The following TTC23L variants were observed in gnomAD, a reference collection of about 807,000 sequenced individuals.
TTC23L encodes tetratricopeptide repeat domain 23 like, also known as tetratricopeptide repeat protein 23-like.
TTC23L carries 42 observed loss-of-function variants against 48.1 expected under a neutral mutation model. The ratio of observed to expected loss-of-function variants is 0.87; its 90% CI spans 0.68 to 1.13. TTC23L has a LOEUF of 1.13. Ranked by LOEUF, TTC23L falls within the 50% of genes most tolerant of loss-of-function variation. The probability of loss-of-function intolerance (pLI) is 0.00; values close to 1 mark genes in which losing one functional copy is unlikely to be tolerated. For synonymous variants in TTC23L, 159 were observed against 157.2 expected (o/e 1.01, Z -0.09); for missense variants, 391 against 421.0 (o/e 0.93, Z 0.62).
At chr5:34,913,590 G>C in the TTC23L span, 3 of 1,500,130 alleles carry the variant, frequency 2.0e-6, no homozygotes, top group East Asian at 6.8e-5. Context: ...TATGAAAAGA[G>C]TAAAAATGAA....
the TTC23L span, chr5:34,908,080 A>G: frequency 1.3e-5 from 2 of 152,098 alleles, no homozygotes; most frequent in African/African-American, 4.8e-5. Flanking sequence ...AATTCAAACT[A>G]ATAAGCAATG....
rs1011128524 is a variant in TTC23L at position 34,863,262 on chromosome 5, C to T, written c.536+208C>T. Among the ~76,000 whole-genome samples the T allele has an allele frequency of 3.3e-5, 5 of 152,108 alleles. No homozygotes were observed. The highest frequency in any genetic ancestry group is 1.9e-4 in the East Asian group (1 of 5,190). On this transcript the variant is annotated intron_variant, in intron 5 of 10. Transcript: ENST00000505624. This position sits in a 1 kb window ranked among gnomAD's most constrained non-coding sequence, Gnocchi z 4.1. ...TTCATATAAGCTCTGAGTTGAGCCA[C>T]GGAAGAGATTTCACTAGTCACATAT...
chr5:34,901,241 A>G (rs756612872), downstream of TTC23L, among the ~76,000 whole-genome samples: 1 of 152,082 alleles, frequency 6.6e-6, no homozygotes, highest in South Asian at 2.1e-4. Flanking sequence ...AAAAACTTCC[A>G]ATGTATTTAT....
At chr5:34,911,799 T>G in the TTC23L span, 111 of 1,614,160 alleles carry the variant, frequency 6.9e-5, 1 homozygote, top group East Asian at 2.5e-3. Context: ...ACATTCGAAG[T>G]GCAGTTAAAG....
chr5:34,847,515 A>G (rs1462200607), intron 3 of TTC23L, among the ~76,000 whole-genome samples: 3 of 149,624 alleles, frequency 2.0e-5, no homozygotes, highest in African/African-American at 7.4e-5. Context: ...AACCCAACCT[A>G]GTACTCCTAG....
chr5:34,916,039 C>A, the TTC23L span: 1 of 962,114 alleles, frequency 1.0e-6, no homozygotes, highest in Non-Finnish European at 1.5e-6. Context: ...TTCTCCCGGC[C>A]AGACTGGGCA....
At chr5:34,844,284 T>C (rs13158027) in intron 2 of TTC23L, among the ~76,000 whole-genome samples, 37,895 of 151,170 alleles carry the variant, frequency 0.25, 4,838 homozygotes, top group Middle Eastern at 0.32. Flanking sequence ...GTTGCTTCCC[T>C]ATCTACACAA....
chr5:34,911,554 C>T, the TTC23L span: 1 of 1,613,962 alleles, frequency 6.2e-7, no homozygotes, highest in Non-Finnish European at 8.5e-7. Flanking sequence ...TCTCAAGTAC[C>T]TGAAATAAGG....
At chr5:34,867,209 C>T (rs1361306951) in intron 7 of TTC23L, 140 bp downstream of exon 7, 1 of 865,678 alleles carries the variant, frequency 1.2e-6, no homozygotes, top group African/African-American at 1.7e-5. Context: ...CCTCCAGATC[C>T]ACCTAAGAGC....
At chr5:34,923,368 C>CT in the TTC23L span, 2 of 665,236 alleles carry the variant, frequency 3.0e-6, no homozygotes, top group African/African-American at 1.8e-5. Flanking sequence ...CAACCTCCAC[C>CT]TCCCGGGTTC....
At chr5:34,892,471 T>C (rs547133868) in intron 9 of TTC23L, among the ~76,000 whole-genome samples, 1 of 152,336 alleles carries the variant, frequency 6.6e-6, no homozygotes, top group African/African-American at 2.4e-5. Context: ...GTACTTCTTT[T>C]GTACATTTCT....
At chr5:34,924,866 C>T in the TTC23L span, 13 of 1,604,914 alleles carry the variant, frequency 8.1e-6, no homozygotes, top group Non-Finnish European at 1.1e-5. Context: ...GAAGATGCTG[C>T]TCTTGTAGAA....
In TTC23L at chr5:34,868,887, T is replaced by C. The variant is rs1158350484; in HGVS notation, c.841-18T>C. On this transcript the variant is annotated intron_variant, in intron 7 of 10. Coordinates refer to ENST00000505624, the Ensembl canonical transcript of TTC23L. The stretch of plus-strand genomic sequence containing the variant: ...CTGTCATTGGGTGCTTACCTTGTCA[T>C]GATTTTCTTTATTCCAGGCTCATTC... The C allele has an allele frequency of 1.3e-6, 2 of 1,584,870 alleles. No individual in the cohort carries two copies. Among genetic ancestry groups the C allele is most frequent in the Admixed American group, 1.8e-5 (1 of 55,470 alleles).
intron 9 of TTC23L, among the ~76,000 whole-genome samples, chr5:34,885,212 C>T (rs947748345): frequency 2.6e-5 from 4 of 151,978 alleles, no homozygotes; most frequent in Non-Finnish European, 4.4e-5. Flanking sequence ...TTATGAAAGA[C>T]CAAAAGGGCA....
chr5:34,922,545 A>G, the TTC23L span: 7 of 1,606,932 alleles, frequency 4.4e-6, no homozygotes, highest in African/African-American at 9.4e-5. Context: ...TCAGGCTTTC[A>G]AATTCACCTC....
At chr5:34,917,918 C>T in the TTC23L span, 1 of 152,382 alleles carries the variant, frequency 6.6e-6, no homozygotes, top group Non-Finnish European at 1.5e-5. Flanking sequence ...CCAAGGAGGG[C>T]ATTTCTGGGT....
intron 8 of TTC23L, among the ~76,000 whole-genome samples, chr5:34,875,484 G>T (rs956128963): frequency 6.6e-6 from 1 of 152,120 alleles, no homozygotes; most frequent in African/African-American, 2.4e-5. Context: ...TGTAGGCTGG[G>T]AGGCTAAGCC....
chr5:34,880,579 C>A, intron 9 of TTC23L: 1 of 435,422 alleles, frequency 2.3e-6, no homozygotes. Context: ...TAGAGGGACT[C>A]GATATTGATG....
the TTC23L span, among the ~76,000 whole-genome samples, chr5:34,911,138 TA>T: frequency 6.6e-6 from 1 of 152,264 alleles, no homozygotes; most frequent in Non-Finnish European, 1.5e-5. Context: ...GATCAACAGA[TA>T]CTTAGTGAAT....
Sources: gnomAD v4.1 joint callset for allele counts (sites outside exome capture counted in the v4.1 genomes callset) on GRCh38, gnomAD v4.1.1 for gene constraint, Gnocchi (gnomAD v3.1) non-coding constraint, MANE v1.5 for transcripts, NCBI Gene and HGNC (gene_info 2026-07-23, HGNC 2026-07-21) for gene names.